BAZ2B: variants seen among roughly 807,000 people sequenced by gnomAD.
BAZ2B encodes bromodomain adjacent to zinc finger domain 2B.
Under a neutral mutation model 246.0 loss-of-function variants are expected in BAZ2B, and 91 were observed. The observed-to-expected ratio is 0.37, with a 90% CI of 0.31 to 0.44. The LOEUF is 0.44. Among genes scored for constraint, BAZ2B ranks in the 20% least tolerant of loss-of-function variants. The pLI is 1.00. For synonymous variants in BAZ2B, 855 were observed against 860.0 expected (o/e 0.99, Z 0.10); for missense variants, 2,332 against 2,533.7 (o/e 0.92, Z 1.71).
At chr2:159,518,550 CAA>C (rs1057122645) in intron 2 of BAZ2B, among the ~76,000 whole-genome samples, 2 of 152,104 alleles carry the variant, frequency 1.3e-5, no homozygotes, top group African/African-American at 4.8e-5. Flanking sequence ...GAGGGAGAGA[CAA>C]GAGGAGGAAG....
At chr2:159,705,144 CT>C in the BAZ2B span, among the ~76,000 whole-genome samples, 1 of 152,224 alleles carries the variant, frequency 6.6e-6, no homozygotes, top group Non-Finnish European at 1.5e-5. Context: ...CCTAAGCCCC[CT>C]AAGTAGCTTT....
intron 25 of BAZ2B, among the ~76,000 whole-genome samples, chr2:159,378,521 C>T (rs571150469): frequency 2.6e-5 from 4 of 152,244 alleles, no homozygotes; most frequent in Admixed American, 6.5e-5. Flanking sequence ...AGAGAACCTA[C>T]AGGACAGGAG....
Position 159,332,700 on chromosome 2 carries a change from A to C in BAZ2B, c.5797-14T>G. ...GATTTGGCAGTACTATAATACATGA[A>C]AAATCATTTAAAATTAACGCTCTGC... On this transcript the variant is annotated splice_polypyrimidine_tract_variant and intron_variant, in intron 33 of 36. Transcript: ENST00000392783. The C allele has an allele frequency of 6.2e-7, 1 of 1,611,690 alleles. No homozygotes were observed.
chr2:159,356,257 A>G (rs2059100956), intron 27 of BAZ2B, among the ~76,000 whole-genome samples: 1 of 152,224 alleles, frequency 6.6e-6, no homozygotes, highest in South Asian at 2.1e-4. Context: ...CCTCACTGCA[A>G]GCACAGCAGT....
chr2:159,656,728 AT>A, the BAZ2B span, among the ~76,000 whole-genome samples: 1 of 152,154 alleles, frequency 6.6e-6, no homozygotes, highest in Non-Finnish European at 1.5e-5. Flanking sequence ...TCTCATTTTA[AT>A]TAACAATTCC....
chr2:159,563,736 T>C (rs538503736), intron 1 of BAZ2B, among the ~76,000 whole-genome samples: 1 of 152,262 alleles, frequency 6.6e-6, no homozygotes, highest in Admixed American at 6.5e-5. Context: ...AAAAAAGTAA[T>C]GGTTGTACAA....
chr2:159,385,439 A>C lies in BAZ2B; in HGVS notation c.3472-70T>G. On this transcript the variant is annotated intron_variant, in intron 22 of 36. Coordinates refer to ENST00000392783, the MANE Select transcript of BAZ2B (RefSeq NM_013450.4). ...ATACCATAAAAACAATAAGATTAAA[A>C]ATCCTCATATTATTTGATTTAGATA... 4 of 1,364,904 alleles carry C rather than the reference A, an allele frequency of 2.9e-6. No individual in the cohort carries two copies. In the South Asian group the frequency reaches 5.1e-5, roughly 17 times the overall value. 84.5% of individuals were successfully genotyped at this position (1,364,904 alleles called of 1,614,324 possible). A position where few individuals can be genotyped will look rare whatever the true frequency, so the allele number is the denominator to read the frequency against.
intron 34 of BAZ2B, among the ~76,000 whole-genome samples, chr2:159,330,034 T>C (rs2064452452): frequency 6.6e-6 from 1 of 152,218 alleles, no homozygotes; most frequent in South Asian, 2.1e-4. Flanking sequence ...GCTGTTAAGT[T>C]ATATTTAACT....
chr2:159,638,406 C>T, the BAZ2B span, among the ~76,000 whole-genome samples: 1 of 152,212 alleles, frequency 6.6e-6, no homozygotes, highest in African/African-American at 2.4e-5. Context: ...CTAAGTAAGA[C>T]ACCAGGGAAC....
chr2:159,351,303 T>C (rs1385599276), intron 27 of BAZ2B, among the ~76,000 whole-genome samples: 1 of 152,120 alleles, frequency 6.6e-6, no homozygotes, highest in Non-Finnish European at 1.5e-5. Context: ...GATAAACATA[T>C]AACTTCATCA....
At chr2:159,585,749 G>A (rs1687876193) in intron 1 of BAZ2B, among the ~76,000 whole-genome samples, 1 of 152,204 alleles carries the variant, frequency 6.6e-6, no homozygotes, top group Non-Finnish European at 1.5e-5. Context: ...TTTTATAACT[G>A]TAATATAGTG....
chr2:159,460,918 C>A (rs902419997), intron 3 of BAZ2B: 1 of 152,202 alleles, frequency 6.6e-6, no homozygotes, highest in Non-Finnish European at 1.5e-5. Context: ...AGCCAGTTAA[C>A]CTTTATATAT....
At chr2:159,650,791 T>C in the BAZ2B span, among the ~76,000 whole-genome samples, 67 of 152,134 alleles carry the variant, frequency 4.4e-4, 1 homozygote, top group Non-Finnish European at 1.0e-4. Context: ...CTGTTCCTCT[T>C]TTGTGTGACA....
intron 1 of BAZ2B, among the ~76,000 whole-genome samples, chr2:159,594,199 G>C (rs948182034): frequency 6.6e-6 from 1 of 152,158 alleles, no homozygotes; most frequent in South Asian, 2.1e-4. Flanking sequence ...GTGGTCAGGG[G>C]ATCGAGACCA....
chr2:159,374,637 G>A, intron 26 of BAZ2B, 54 bp downstream of exon 26: 1 of 1,488,508 alleles, frequency 6.7e-7, no homozygotes. Context: ...CCCTTACAAT[G>A]TAGATTTCTA....
Position 159,446,937 on chromosome 2 carries a change from C to T in BAZ2B, c.541G>A (p.Val181Ile). The change falls in exon 6 of 37, where the codon GTA (valine) becomes ATA (isoleucine). Residue 181 changes from valine to isoleucine, a missense_variant. Val to Ile is a conservative substitution (Grantham distance 29). Coordinates refer to ENST00000392783, the MANE Select transcript of BAZ2B (RefSeq NM_013450.4). ...AGTACAGATGTGTTGATACCAATTA[C>T]AGATGATGTATTACTTCCATTTATT... ...GSINGSNTSS[V>I]IGINTSVLST... The T allele has an allele frequency of 1.9e-6, 3 of 1,595,046 alleles. No homozygotes were observed. The highest frequency in any genetic ancestry group is 2.6e-6 in the Non-Finnish European group (3 of 1,172,518).
chr2:159,579,612 C>T (rs1328431276), intron 1 of BAZ2B, among the ~76,000 whole-genome samples: 1 of 151,980 alleles, frequency 6.6e-6, no homozygotes, highest in Non-Finnish European at 1.5e-5. Flanking sequence ...CTGGCAGAGA[C>T]ACAACAAAAA....
chr2:159,599,667 T>C (rs1215401871), intron 1 of BAZ2B, among the ~76,000 whole-genome samples: 2 of 149,812 alleles, frequency 1.3e-5, no homozygotes, highest in Non-Finnish European at 3.0e-5. Context: ...CCTGGCATGG[T>C]GGCTCACGCC....
intron 2 of BAZ2B, among the ~76,000 whole-genome samples, chr2:159,512,481 C>G (rs2083033016): frequency 6.6e-6 from 1 of 151,994 alleles, no homozygotes; most frequent in African/African-American, 2.4e-5. Flanking sequence ...AGAAACATAG[C>G]TATTTAGCAA....
Sources: allele counts gnomAD v4.1 joint callset (sites outside exome capture counted in the v4.1 genomes callset), GRCh38; gene constraint gnomAD v4.1.1; transcripts MANE v1.5; gene names NCBI Gene and HGNC (gene_info 2026-07-23, HGNC 2026-07-21).